PCDH15: variants seen among roughly 807,000 people sequenced by gnomAD.
PCDH15 encodes the protein protocadherin-15.
In PCDH15, 129 loss-of-function variants were observed where a neutral mutation model predicts 178.5. The ratio of observed to expected loss-of-function variants is 0.72; its 90% confidence interval spans 0.63 to 0.84. The LOEUF is 0.84. PCDH15 is among the 40% of genes least tolerant of loss of function. The probability of loss-of-function intolerance (pLI) is 0.00; values close to 1 mark genes in which losing one functional copy is unlikely to be tolerated. For missense variants in PCDH15, 2,230 were observed against 2,099.9 expected (o/e 1.06, Z -1.21); for synonymous variants, 800 against 732.0 (o/e 1.09, Z -1.50).
intron 2 of PCDH15, among the ~76,000 whole-genome samples, chr10:54,911,590 G>T (rs1215256096): frequency 1.3e-5 from 2 of 152,066 alleles, no homozygotes; most frequent in Admixed American, 6.6e-5. Flanking sequence ...GCTCTGTTAG[G>T]CATTGATATG....
intron 15 of PCDH15, among the ~76,000 whole-genome samples, chr10:54,104,813 G>T (rs1476148484): frequency 7.4e-6 from 1 of 134,844 alleles, no homozygotes; most frequent in African/African-American, 2.8e-5. Context: ...CTCCAGCCTG[G>T]CTGAGAGAGT....
intron 20 of PCDH15, among the ~76,000 whole-genome samples, chr10:53,996,977 T>C (rs1269105113): frequency 6.6e-6 from 1 of 152,082 alleles, no homozygotes; most frequent in Non-Finnish European, 1.5e-5. Context: ...TGGAAACACA[T>C]AAATTAACAG....
At chr10:55,463,272 G>A (rs911305683) in intron 2 of PCDH15, among the ~76,000 whole-genome samples, 2 of 152,050 alleles carry the variant, frequency 1.3e-5, no homozygotes, top group African/African-American at 2.4e-5. Flanking sequence ...GAGTTATACT[G>A]ATAAGAAATC....
intron 1 of PCDH15, among the ~76,000 whole-genome samples, chr10:54,687,861 T>C (rs1364946348): frequency 6.6e-6 from 1 of 152,030 alleles, no homozygotes. Context: ...GAACAATATC[T>C]GCCTTAACAT....
intron 2 of PCDH15, among the ~76,000 whole-genome samples, chr10:55,358,236 T>G (rs940994671): frequency 6.6e-6 from 1 of 152,116 alleles, no homozygotes; most frequent in Admixed American, 6.6e-5. Context: ...AGAGGAAACA[T>G]TTTGTATGAT....
In PCDH15 at chr10:54,351,107, T is replaced by TAA. The variant is rs35267443; in HGVS notation, c.475-4625_475-4624dup. On this transcript the variant is annotated intron_variant, in intron 5 of 37. Transcript: ENST00000644397. ...GCGAGAACAAGACTCTGTCTCAATT[T>TAA]AAAAAAAAAAAAAGATAGATAGATA... Among the ~76,000 whole-genome samples, 95 of 146,164 alleles carry TAA rather than the reference T, an allele frequency of 6.5e-4. 2 individuals are homozygous for TAA. The highest frequency in any genetic ancestry group is 2.2e-3 in the African/African-American group (87 of 39,548).
At chr10:54,254,546 A>G (rs1209010341) in intron 8 of PCDH15, among the ~76,000 whole-genome samples, 1 of 152,156 alleles carries the variant, frequency 6.6e-6, no homozygotes, top group Non-Finnish European at 1.5e-5. Flanking sequence ...TCCCACAGCT[A>G]GCATCTGAAT....
intron 5 of PCDH15, among the ~76,000 whole-genome samples, chr10:54,360,819 T>C (rs1945903960): frequency 6.6e-6 from 1 of 152,052 alleles, no homozygotes; most frequent in South Asian, 2.1e-4. Flanking sequence ...TTACAAAGTT[T>C]GAATAGAATA....
intron 2 of PCDH15, among the ~76,000 whole-genome samples, chr10:54,938,887 A>C (rs1386827005): frequency 6.6e-6 from 1 of 152,144 alleles, no homozygotes; most frequent in Non-Finnish European, 1.5e-5. Context: ...AAAATGGAGA[A>C]AGGGGCCATA....
chr10:55,065,998 C>T (rs1841555017), intron 2 of PCDH15, among the ~76,000 whole-genome samples: 1 of 151,886 alleles, frequency 6.6e-6, no homozygotes, highest in Admixed American at 6.6e-5. Context: ...CCACTATTCC[C>T]CAAACACAGT....
intron 2 of PCDH15, among the ~76,000 whole-genome samples, chr10:55,616,589 A>G (rs61701502): frequency 0.059 from 8,899 of 152,026 alleles, 584 homozygotes; most frequent in East Asian, 0.32. Flanking sequence ...TGTGTCCCTA[A>G]CCAACCCACC....
At chr10:54,242,159 T>C (rs1306965194) in intron 8 of PCDH15, among the ~76,000 whole-genome samples, 7 of 104,384 alleles carry the variant, frequency 6.7e-5, no homozygotes, top group African/African-American at 1.5e-4. Flanking sequence ...TATATATATA[T>C]ATATATATAT....
chr10:53,966,703 T>A (rs2660186), intron 21 of PCDH15, among the ~76,000 whole-genome samples: 3 of 151,842 alleles, frequency 2.0e-5, no homozygotes, highest in African/African-American at 7.2e-5. Context: ...CTTAAAATTA[T>A]GAATTAGCAT....
chr10:54,953,445 C>A (rs187346150), intron 2 of PCDH15, among the ~76,000 whole-genome samples: 1 of 151,314 alleles, frequency 6.6e-6, no homozygotes, highest in East Asian at 1.9e-4. Flanking sequence ...GTACAAGTTT[C>A]TGAACAGGAA....
At chr10:55,194,802 C>A (rs1315572893) in intron 1 of PCDH15, among the ~76,000 whole-genome samples, 2 of 151,580 alleles carry the variant, frequency 1.3e-5, no homozygotes, top group Non-Finnish European at 2.9e-5. Flanking sequence ...GAATGAGAAG[C>A]ACTACTGTAA....
chr10:54,118,831 G>T (rs547470643), intron 15 of PCDH15, among the ~76,000 whole-genome samples: 1 of 151,080 alleles, frequency 6.6e-6, no homozygotes, highest in South Asian at 2.1e-4. Context: ...TCAGCCACTT[G>T]AAAATAGCAA....
intron 1 of PCDH15, among the ~76,000 whole-genome samples, chr10:55,305,240 T>C (rs935822506): frequency 2.0e-5 from 3 of 152,244 alleles, no homozygotes; most frequent in Non-Finnish European, 4.4e-5. Flanking sequence ...GATGACTAGC[T>C]CATGACCCAC....
chr10:55,432,600 A>G (rs2132058425), intron 2 of PCDH15, among the ~76,000 whole-genome samples: 1 of 152,198 alleles, frequency 6.6e-6, no homozygotes, highest in African/African-American at 2.4e-5. Flanking sequence ...ATGAAGAGAC[A>G]TTTCAGAGTT....
intron 2 of PCDH15, among the ~76,000 whole-genome samples, chr10:55,328,526 G>A (rs1844097164): frequency 1.3e-5 from 2 of 151,408 alleles, no homozygotes; most frequent in Non-Finnish European, 3.0e-5. Flanking sequence ...TAATCTTATG[G>A]GATCGCCATT....
Sources: gnomAD v4.1 joint callset for allele counts (sites outside exome capture counted in the v4.1 genomes callset) on GRCh38, gnomAD v4.1.1 for gene constraint, MANE v1.5 for transcripts, NCBI Gene and HGNC (gene_info 2026-07-23, HGNC 2026-07-21) for gene names.